Variants in SOBP observed in about 807,000 individuals in gnomAD.
SOBP encodes the protein sine oculis-binding protein homolog.
SOBP carries 4 observed loss-of-function variants against 53.6 expected under a neutral mutation model. The ratio of observed to expected loss-of-function variants is 0.07; its 90% CI spans 0.04 to 0.17. The LOEUF (loss-of-function observed/expected upper bound fraction) is 0.17. SOBP is among the 10% of genes least tolerant of loss of function. The probability of loss-of-function intolerance (pLI) is 1.00; values close to 1 mark genes in which losing one functional copy is unlikely to be tolerated. For synonymous variants in SOBP, 584 were observed against 522.6 expected, an observed-to-expected ratio of 1.12 and a Z score of -1.60; for missense variants, 1,088 against 1,204.7, an observed-to-expected ratio of 0.90 and a Z score of 1.43.
chr6:107,571,000 C>G (rs778302804), intron 4 of SOBP, among the ~76,000 whole-genome samples: 15 of 152,246 alleles, frequency 9.9e-5, no homozygotes, highest in Non-Finnish European at 2.1e-4. Context: ...ACGCAAGACT[C>G]TGTAGGCCAC....
intron 3 of SOBP, among the ~76,000 whole-genome samples, chr6:107,518,112 A>G (rs1267604279): frequency 6.6e-6 from 1 of 152,242 alleles, no homozygotes; most frequent in African/African-American, 2.4e-5. Context: ...CCTGTAAAAG[A>G]CTTATATTGA....
At chr6:107,550,111 C>A (rs1011738107) in intron 4 of SOBP, among the ~76,000 whole-genome samples, 1 of 152,238 alleles carries the variant, frequency 6.6e-6, no homozygotes, top group African/African-American at 2.4e-5. Flanking sequence ...GTCACTCAGC[C>A]CCCTTGCAGG....
chr6:107,551,595 AT>A (rs1381415656), intron 4 of SOBP, among the ~76,000 whole-genome samples: 3 of 152,210 alleles, frequency 2.0e-5, no homozygotes, highest in Admixed American at 6.5e-5. Flanking sequence ...AATGTGAAAA[AT>A]ATCTGGGTTT....
chr6:107,645,813 C>G (rs891874380), intron 6 of SOBP, among the ~76,000 whole-genome samples: 4 of 151,984 alleles, frequency 2.6e-5, no homozygotes, highest in African/African-American at 9.7e-5. Flanking sequence ...TGTGGGCTGG[C>G]GATCAGGGGT....
At chr6:107,530,648 A>T (rs1783795856) in intron 3 of SOBP, among the ~76,000 whole-genome samples, 1 of 152,134 alleles carries the variant, frequency 6.6e-6, no homozygotes, top group Non-Finnish European at 1.5e-5. Context: ...TTAGCTGCTG[A>T]TAACAGTTTA....
chr6:107,642,741 A>G (rs934379883), intron 6 of SOBP, among the ~76,000 whole-genome samples: 1 of 152,204 alleles, frequency 6.6e-6, no homozygotes, highest in African/African-American at 2.4e-5. Flanking sequence ...TGTCTTTGAT[A>G]TAGTAAGCTG....
At chr6:107,649,835 T>C (rs1231474776) in intron 6 of SOBP, among the ~76,000 whole-genome samples, 1 of 152,182 alleles carries the variant, frequency 6.6e-6, no homozygotes, top group Non-Finnish European at 1.5e-5. Context: ...AAGGTGAAGA[T>C]AAGGACTTAC....
intron 4 of SOBP, among the ~76,000 whole-genome samples, chr6:107,554,739 T>C (rs2115016623): frequency 6.6e-6 from 1 of 152,298 alleles, no homozygotes; most frequent in Middle Eastern, 3.4e-3. Flanking sequence ...GACTCCCACT[T>C]CTGTTCTGGA....
chr6:107,536,564 G>A (rs970835853), intron 4 of SOBP, among the ~76,000 whole-genome samples: 1 of 152,096 alleles, frequency 6.6e-6, no homozygotes, highest in South Asian at 2.1e-4. Flanking sequence ...TTAATGGGGC[G>A]GGTTGAAAGT....
At chr6:107,585,854 G>T (rs1465635192) in intron 4 of SOBP, among the ~76,000 whole-genome samples, 1 of 152,124 alleles carries the variant, frequency 6.6e-6, no homozygotes, top group African/African-American at 2.4e-5. Flanking sequence ...GTATAGCCAG[G>T]GAGCTCTGAG....
chr6:107,522,529 T>C (rs1011290372), intron 3 of SOBP, among the ~76,000 whole-genome samples: 6 of 126,450 alleles, frequency 4.7e-5, no homozygotes, highest in African/African-American at 1.1e-4. Context: ...TTGGGTGTAG[T>C]ATAAAAACTT....
intron 3 of SOBP, among the ~76,000 whole-genome samples, chr6:107,528,110 A>G (rs544584559): frequency 6.6e-6 from 1 of 152,324 alleles, no homozygotes; most frequent in South Asian, 2.1e-4. Flanking sequence ...TTGTAAAAAC[A>G]TATTCTTCAG....
intron 4 of SOBP, among the ~76,000 whole-genome samples, chr6:107,536,765 G>GA (rs1221341537): frequency 3.9e-5 from 6 of 152,274 alleles, no homozygotes; most frequent in Non-Finnish European, 8.8e-5. Context: ...AGAGGACCAT[G>GA]AATCACAGCT....
At chr6:107,593,776 A>G (rs1220277334) in intron 5 of SOBP, among the ~76,000 whole-genome samples, 1 of 152,334 alleles carries the variant, frequency 6.6e-6, no homozygotes, top group East Asian at 1.9e-4. Context: ...ATTAGTTTAA[A>G]CAAAATCTTG....
intron 4 of SOBP, among the ~76,000 whole-genome samples, chr6:107,578,085 A>G (rs1024739538): frequency 4.0e-5 from 6 of 151,174 alleles, no homozygotes; most frequent in African/African-American, 1.5e-4. Flanking sequence ...AAAAAAAAAA[A>G]AAAAAAAAAA....
Position 107,554,854 on chromosome 6 carries a change from T to TGGGATGG in SOBP, c.573+21248_573+21254dup, listed in dbSNP as rs1784562127. Among the ~76,000 whole-genome samples the TGGGATGG allele has an allele frequency of 3.3e-5, 5 of 152,048 alleles. No individual in the cohort carries two copies. In the South Asian group the frequency reaches 1.0e-3, roughly 32 times the overall value. On this transcript the variant is annotated intron_variant, in intron 4 of 6. Transcript: ENST00000317357. ...ATTGACTTTTCTTTCTACAGAGGGCTGGGATGGGGGGTGGGAGGTGGTGGA... is the reference window on the plus strand; with the variant it reads ...ATTGACTTTTCTTTCTACAGAGGGCTGGGATGGGGGATGGGGGGTGGGAGGTGGTGGA...
At chr6:107,593,333 T>C (rs1785825737) in intron 5 of SOBP, among the ~76,000 whole-genome samples, 1 of 152,182 alleles carries the variant, frequency 6.6e-6, no homozygotes, top group Non-Finnish European at 1.5e-5. Flanking sequence ...TTTGGCAGGC[T>C]CTCCTTTCCA....
At chr6:107,502,459 A>T (rs1319191903) in intron 1 of SOBP, among the ~76,000 whole-genome samples, 2 of 152,210 alleles carry the variant, frequency 1.3e-5, no homozygotes, top group African/African-American at 4.8e-5. Flanking sequence ...CAGATATAGC[A>T]ATTGATAAGG....
chr6:107,627,485 G>C (rs553136764), intron 5 of SOBP, among the ~76,000 whole-genome samples: 33 of 152,314 alleles, frequency 2.2e-4, no homozygotes, highest in African/African-American at 7.9e-4. Flanking sequence ...AGTAGAACTT[G>C]AGTCATGGTA....
Sources: gnomAD v4.1 joint callset for allele counts (sites outside exome capture counted in the v4.1 genomes callset) on GRCh38, gnomAD v4.1.1 for gene constraint, MANE v1.5 for transcripts, NCBI Gene and HGNC (gene_info 2026-07-23, HGNC 2026-07-21) for gene names.